SORCS2: variants seen among roughly 807,000 people sequenced by gnomAD.
SORCS2 encodes sortilin related VPS10 domain containing receptor 2, also known as VPS10 domain-containing receptor SorCS2.
In SORCS2, 100 loss-of-function variants were observed where a neutral mutation model predicts 141.6. The observed-to-expected ratio is 0.71, with a 90% CI of 0.60 to 0.83. The LOEUF is 0.83. Among genes scored for constraint, SORCS2 ranks in the 40% least tolerant of loss-of-function variants. The probability of loss-of-function intolerance (pLI) is 0.00; values close to 1 mark genes in which losing one functional copy is unlikely to be tolerated. For synonymous variants in SORCS2, 789 were observed against 676.9 expected (o/e 1.17, Z -2.57); for missense variants, 1,646 against 1,560.2 (o/e 1.05, Z -0.93).
chr4:7,292,703 G>C (rs1716691119), intron 1 of SORCS2, among the ~76,000 whole-genome samples: 1 of 152,182 alleles, frequency 6.6e-6, no homozygotes, highest in African/African-American at 2.4e-5. Context: ...AGCTGGGATG[G>C]CTAGAGTCAG....
chr4:7,425,803 G>A (rs1248220280), intron 2 of SORCS2, among the ~76,000 whole-genome samples: 5 of 152,232 alleles, frequency 3.3e-5, no homozygotes, highest in African/African-American at 1.2e-4. Flanking sequence ...GAGAAACGAG[G>A]AAGGGGCGGC....
chr4:7,392,155 C>T (rs543860347), intron 1 of SORCS2, among the ~76,000 whole-genome samples: 1 of 152,230 alleles, frequency 6.6e-6, no homozygotes, highest in Admixed American at 6.5e-5. Context: ...GAACACTCCA[C>T]GCTGTGGAAC....
chr4:7,453,216 G>T (rs1245042126), intron 2 of SORCS2, among the ~76,000 whole-genome samples: 1 of 129,026 alleles, frequency 7.8e-6, no homozygotes, highest in African/African-American at 3.0e-5. Context: ...GTCAGGCGCT[G>T]TGTTGGGGTT....
intron 3 of SORCS2, among the ~76,000 whole-genome samples, chr4:7,603,331 T>C (rs1201350825): frequency 2.0e-5 from 3 of 152,344 alleles, no homozygotes; most frequent in South Asian, 4.1e-4. Context: ...TTCCTTTAAC[T>C]TTTGAAATTG....
intron 2 of SORCS2, among the ~76,000 whole-genome samples, chr4:7,449,847 C>T (rs1728327767): frequency 6.6e-6 from 1 of 152,088 alleles, no homozygotes; most frequent in African/African-American, 2.4e-5. Flanking sequence ...CCAGGAGCCA[C>T]CCCGCCCTCC....
At chr4:7,710,024 T>C (rs753650626) in intron 14 of SORCS2, among the ~76,000 whole-genome samples, 11 of 152,152 alleles carry the variant, frequency 7.2e-5, no homozygotes, top group Non-Finnish European at 1.3e-4. Flanking sequence ...CTCTTTCTCA[T>C]GGTATCAGCT....
chr4:7,723,374 C>T (rs967872642), intron 18 of SORCS2, among the ~76,000 whole-genome samples: 10 of 152,146 alleles, frequency 6.6e-5, no homozygotes, highest in Non-Finnish European at 1.5e-4. Flanking sequence ...GGGTCTCCCC[C>T]GGGCCCTGAC....
intron 1 of SORCS2, among the ~76,000 whole-genome samples, chr4:7,387,971 CACAG>C (rs1723564711): frequency 1.3e-5 from 2 of 149,864 alleles, no homozygotes; most frequent in African/African-American, 5.0e-5. Context: ...CACACAGATA[CACAG>C]AGATACACAT....
intron 2 of SORCS2, among the ~76,000 whole-genome samples, chr4:7,510,385 G>A (rs931907086): frequency 1.3e-5 from 2 of 152,322 alleles, no homozygotes; most frequent in South Asian, 2.1e-4. Flanking sequence ...CCAGGAGGGC[G>A]CCCTGTCCTG....
chr4:7,686,784 C>G (rs1179488255), intron 10 of SORCS2, among the ~76,000 whole-genome samples: 11 of 152,236 alleles, frequency 7.2e-5, no homozygotes, highest in Non-Finnish European at 1.6e-4. Context: ...GTGCGTGTGT[C>G]AGACACCAGC....
rs1560373256 is a variant in SORCS2 at position 7,543,783 on chromosome 4, C to CCCA, written c.648+12154_648+12155insCCA. Among the ~76,000 whole-genome samples the CCCA allele has an allele frequency of 2.2e-3, 43 of 19,330 alleles. 3 individuals carry two copies. Among genetic ancestry groups the CCCA allele is most frequent in the African/African-American group, 4.4e-3 (31 of 7,084 alleles). The allele number at this position is 19,330 out of a possible 152,430, so 12.7% of individuals were successfully genotyped here. A position where few individuals can be genotyped will look rare whatever the true frequency, so the allele number is the denominator to read the frequency against. ...ACCCACCCATCCGTCCATCCATCCA[C>CCCA]TCATCCATCCATCCATCCATCCATC... On this transcript the variant is annotated intron_variant, in intron 3 of 26. Transcript: ENST00000507866.
At position 7,193,496 on chromosome 4, in the gene SORCS2, C is replaced by T. The variant is rs945372697; in HGVS notation, c.480+370C>T. 1.3e-5 allele frequency among the ~76,000 whole-genome samples: 2 copies of T among 152,170 alleles called. No homozygotes were observed. The highest frequency in any genetic ancestry group is 2.9e-5 in the Non-Finnish European group (2 of 68,028). The stretch of plus-strand genomic sequence containing the variant: ...CAGCTCGGCGTTACCTCCCCTGCCC[C>T]CAGACTCCACCAGCTGAGCGTCGCG... On this transcript the variant is annotated intron_variant, in intron 1 of 26. Transcript: ENST00000507866. The surrounding 1 kb of genome is among the most constrained non-coding windows in gnomAD (Gnocchi z 4.8).
intron 2 of SORCS2, among the ~76,000 whole-genome samples, chr4:7,505,276 C>T (rs1170394860): frequency 6.6e-6 from 1 of 152,160 alleles, no homozygotes; most frequent in African/African-American, 2.4e-5. Context: ...AGTGGGGCAG[C>T]TGGGGCTTCC....
chr4:7,500,462 C>A (rs539961226), intron 2 of SORCS2, among the ~76,000 whole-genome samples: 1 of 152,154 alleles, frequency 6.6e-6, no homozygotes, highest in African/African-American at 2.4e-5. Context: ...GTGCTACCCA[C>A]ACTGAAGGCC....
At chr4:7,399,270 G>A (rs1239900373) in intron 2 of SORCS2, among the ~76,000 whole-genome samples, 1 of 151,760 alleles carries the variant, frequency 6.6e-6, no homozygotes, top group African/African-American at 2.4e-5. Context: ...TGCATTTGAG[G>A]CCCCTGTGGA....
rs752711975 is a variant in SORCS2 at position 7,712,775 on chromosome 4, C to T, written c.1911C>T (p.Val637=). The T allele has an allele frequency of 6.2e-7, 1 of 1,613,908 alleles. No individual in the cohort carries two copies. The highest frequency in any genetic ancestry group is 8.5e-7 in the Non-Finnish European group (1 of 1,179,810). Residue 637 remains valine, a synonymous_variant, in exon 15 of 27, where the codon GTC becomes GTT. Transcript: ENST00000507866. ...HISFRSDWEL[V]KVDFRPSFSR... ...GCTTCCGCTCCGATTGGGAGCTGGT[C>T]AAGGTGGACTTCCGGCCCTCATTCT... is the stretch of plus-strand genomic sequence containing the variant.
intron 24 of SORCS2, among the ~76,000 whole-genome samples, 168 bp downstream of exon 24, chr4:7,733,589 C>G (rs978591922): frequency 6.6e-6 from 1 of 152,166 alleles, no homozygotes; most frequent in African/African-American, 2.4e-5. Context: ...GGACCGCGCT[C>G]TCCCTCTGCG....
At position 7,312,888 on chromosome 4, in the gene SORCS2, C is replaced by T. The variant is rs567377031; in HGVS notation, c.481-83400C>T. Among the ~76,000 whole-genome samples the T allele has an allele frequency of 2.6e-5, 4 of 152,360 alleles. No homozygotes were observed. In the South Asian group the frequency reaches 6.2e-4, roughly 24 times the overall value. ...GGGTGTCATGGGACTTCTAGACCAG[C>T]AGAAGGGCCTGGTGGATCTCCAGGG... On this transcript the variant is annotated intron_variant, in intron 1 of 26. Coordinates refer to ENST00000507866, the MANE Select transcript of SORCS2 (RefSeq NM_020777.3).
At chr4:7,725,631 A>G (rs1231660498) in intron 20 of SORCS2, among the ~76,000 whole-genome samples, 1 of 152,220 alleles carries the variant, frequency 6.6e-6, no homozygotes, top group Non-Finnish European at 1.5e-5. Context: ...ATTTGCAGTG[A>G]GAGGCTCAGG....
Sources: gnomAD v4.1 joint callset for allele counts (sites outside exome capture counted in the v4.1 genomes callset) on GRCh38, gnomAD v4.1.1 for gene constraint, Gnocchi (gnomAD v3.1) non-coding constraint, MANE v1.5 for transcripts, NCBI Gene and HGNC (gene_info 2026-07-23, HGNC 2026-07-21) for gene names.